The following LAMA2 variants were observed in gnomAD, a reference collection of about 807,000 sequenced individuals.
The protein encoded by LAMA2 is laminin subunit alpha-2.
A neutral mutation model predicts 364.8 loss-of-function variants in LAMA2; 269 were observed. The observed-to-expected ratio is 0.74, with a 90% CI of 0.67 to 0.82. The LOEUF (loss-of-function observed/expected upper bound fraction) is 0.82. Among genes scored for constraint, LAMA2 ranks in the 40% least tolerant of loss-of-function variants. The pLI is 0.00. For missense variants in LAMA2, 3,807 were observed against 3,873.2 expected, an observed-to-expected ratio of 0.98 and a Z score of 0.45; for synonymous variants, 1,379 against 1,370.6, an observed-to-expected ratio of 1.01 and a Z score of -0.14.
intron 12 of LAMA2, among the ~76,000 whole-genome samples, chr6:129,235,597 G>C (rs557388246): frequency 6.6e-6 from 1 of 152,076 alleles, no homozygotes; most frequent in Non-Finnish European, 1.5e-5. Context: ...ATGTCCTGAG[G>C]GTCTGTCTGC....
At chr6:129,509,803 G>T (rs1165227340) in intron 62 of LAMA2, among the ~76,000 whole-genome samples, 1 of 151,998 alleles carries the variant, frequency 6.6e-6, no homozygotes, top group Admixed American at 6.6e-5. Flanking sequence ...TTCCAATTTT[G>T]TTCCTTTTGC....
At chr6:129,419,914 TA>T in intron 40 of LAMA2, among the ~76,000 whole-genome samples, 1 of 152,258 alleles carries the variant, frequency 6.6e-6, no homozygotes, top group East Asian at 1.9e-4. Context: ...CTATAGTACT[TA>T]AAAATGTACA....
Position 129,262,488 on chromosome 6 carries a change from GA to G in LAMA2, c.2208+1675del, listed in dbSNP as rs1182716733. On this transcript the variant is annotated intron_variant, in intron 15 of 64. Transcript: ENST00000421865. ...CAGATAGATAGAAGCATTTGAGTGT[GA>G]AAAAAAAAGGAGAGATAATAAAAGC... Among the ~76,000 whole-genome samples, 21 of 148,638 alleles carry G rather than the reference GA, an allele frequency of 1.4e-4. No homozygotes were observed. The South Asian group carries it at 1.7e-3, about 12-fold the overall frequency.
rs1170859722 is a variant in LAMA2, at chr6:129,454,235, G to A, written c.6654G>A (p.Glu2218=). The change falls in exon 47 of 65, where the codon GAG becomes GAA. Residue 2218 remains glutamate, a synonymous_variant. Coordinates refer to ENST00000421865, the MANE Select transcript of LAMA2 (RefSeq NM_000426.4). ...TTGGATCTGGAGTTGGACGTGTAGA[G>A]TACCCAGATTTGACTATTGATGACT... ...WDVGSGVGRV[E]YPDLTIDDSY... 9 of 1,612,068 alleles carry A rather than the reference G, an allele frequency of 5.6e-6. No homozygotes were observed. Among genetic ancestry groups the A allele is most frequent in the South Asian group, 5.5e-5 (5 of 91,022 alleles).
chr6:129,051,368 A>C (rs1178575236), intron 2 of LAMA2, among the ~76,000 whole-genome samples: 1 of 149,434 alleles, frequency 6.7e-6, no homozygotes, highest in East Asian at 2.0e-4. Flanking sequence ...GCTGGAGTGC[A>C]GTGGTGCGAT....
chr6:128,886,933 A>T (rs1301447463), intron 1 of LAMA2, among the ~76,000 whole-genome samples: 1 of 152,222 alleles, frequency 6.6e-6, no homozygotes, highest in African/African-American at 2.4e-5. Flanking sequence ...GTTAAGACTC[A>T]TCAACTGTCT....
At chr6:128,922,451 A>G (rs576274817) in intron 1 of LAMA2, among the ~76,000 whole-genome samples, 1 of 151,486 alleles carries the variant, frequency 6.6e-6, no homozygotes, top group African/African-American at 2.4e-5. Flanking sequence ...CATTTCTCTG[A>G]TGGCCAGTGA....
rs775406215 is a variant in LAMA2 at position 129,280,042 on chromosome 6, C to T, written c.2451-19C>T. 58 of 1,569,168 alleles carry T rather than the reference C, an allele frequency of 3.7e-5. No individual in the cohort carries two copies. The highest frequency in any genetic ancestry group is 3.0e-4 in the African/African-American group (22 of 73,936). ...GTCCTTCTTCCTTGTCCCTGTTTTC[C>T]GCAACAACATCAACATAGCTTTAGC... On this transcript the variant is annotated intron_variant, in intron 17 of 64. Coordinates refer to ENST00000421865, the MANE Select transcript of LAMA2 (RefSeq NM_000426.4).
At chr6:129,185,602 A>G (rs9492263) in intron 10 of LAMA2, among the ~76,000 whole-genome samples, 49,563 of 151,580 alleles carry the variant, frequency 0.33, 11,027 homozygotes, top group African/African-American at 0.64. Flanking sequence ...CACATGGTGC[A>G]TCTGTACATA....
intron 1 of LAMA2, among the ~76,000 whole-genome samples, chr6:128,976,905 T>C (rs150822268): frequency 2.6e-5 from 4 of 152,326 alleles, no homozygotes; most frequent in African/African-American, 9.6e-5. Flanking sequence ...AAGGTTACTG[T>C]TCCTGTCTTC....
chr6:128,981,967 A>T (rs1582817360), intron 1 of LAMA2, among the ~76,000 whole-genome samples: 1 of 152,262 alleles, frequency 6.6e-6, no homozygotes. Context: ...CTCATAGCAC[A>T]TAGGCTGTCC....
chr6:128,923,231 T>C (rs186495093), intron 1 of LAMA2, among the ~76,000 whole-genome samples: 1,661 of 151,440 alleles, frequency 0.011, 31 homozygotes, highest in African/African-American at 0.038. Flanking sequence ...AGTAGTTTTT[T>C]CCAACTCTGT....
rs1786305430 is a variant in LAMA2 at position 129,252,193 on chromosome 6, C to A, written c.1994C>A (p.Thr665Lys). The A allele has an allele frequency of 2.5e-6, 4 of 1,613,680 alleles. No individual in the cohort carries two copies. In the Admixed American group the frequency reaches 5.0e-5, roughly 20 times the overall value. The change falls in exon 14 of 65, where the codon ACA (threonine) becomes AAA (lysine). Residue 665 changes from threonine to lysine, a missense_variant. Transcript: ENST00000421865. Reference sequence around the variant, plus strand: ...GAAGAATCATTTACCATACATGGCACACATTTTCCAGTCCGTAGAAAGGAA... The same window carrying A: ...GAAGAATCATTTACCATACATGGCAAACATTTTCCAGTCCGTAGAAAGGAA... ...LKEESFTIHG[T>K]HFPVRRKEFM...
intron 1 of LAMA2, 45 bp from the exon 2 acceptor site, chr6:129,049,873 A>G: frequency 1.3e-6 from 2 of 1,554,566 alleles, no homozygotes; most frequent in Non-Finnish European, 1.8e-6. Flanking sequence ...CAAAATCCTA[A>G]CTTTGTTTCT....
At position 129,252,155 on chromosome 6, in the gene LAMA2, A is replaced by G. The variant is rs1786303131; in HGVS notation, c.1956A>G (p.Val652=). 6.2e-7 allele frequency: 1 copy of G among 1,612,832 alleles called. No homozygotes were observed. The highest frequency in any genetic ancestry group is 1.7e-5 in the Admixed American group (1 of 59,994). ...YLHPSEEHTN[V]LLLKEESFTI... ...ACCCATCTGAAGAACATACTAATGTATTGTTACTTAAAGAAGAATCATTTA... is the reference window on the plus strand; with the variant it reads ...ACCCATCTGAAGAACATACTAATGTGTTGTTACTTAAAGAAGAATCATTTA... Residue 652 remains valine, a synonymous_variant, in exon 14 of 65, where the codon GTA becomes GTG. Coordinates refer to ENST00000421865, the MANE Select transcript of LAMA2 (RefSeq NM_000426.4).
At chr6:129,352,733 A>G (rs1029609280) in intron 31 of LAMA2, among the ~76,000 whole-genome samples, 3 of 152,066 alleles carry the variant, frequency 2.0e-5, no homozygotes, top group African/African-American at 7.2e-5. Flanking sequence ...CCCATTTCTG[A>G]TTCTGTATGG....
intron 35 of LAMA2, among the ~76,000 whole-genome samples, chr6:129,389,821 G>A (rs7753331): frequency 0.096 from 14,584 of 152,112 alleles, 810 homozygotes; most frequent in Admixed American, 0.15. Flanking sequence ...ACAGCAAGGG[G>A]GGAGGTTTGC....
At chr6:128,992,842 C>T (rs868545024) in intron 1 of LAMA2, among the ~76,000 whole-genome samples, 50 of 152,246 alleles carry the variant, frequency 3.3e-4, no homozygotes, top group African/African-American at 1.1e-3. Flanking sequence ...GTTGTAGGTA[C>T]GTCACCTCCT....
chr6:128,950,557 G>A (rs574011117), intron 1 of LAMA2, among the ~76,000 whole-genome samples: 1 of 152,096 alleles, frequency 6.6e-6, no homozygotes, highest in Non-Finnish European at 1.5e-5. Flanking sequence ...GACAGATAAA[G>A]AGTCAACATC....
Sources: gnomAD v4.1 joint callset for allele counts (sites outside exome capture counted in the v4.1 genomes callset) on GRCh38, gnomAD v4.1.1 for gene constraint, MANE v1.5 for transcripts, NCBI Gene and HGNC (gene_info 2026-07-23, HGNC 2026-07-21) for gene names.